ARHGAP25: variants seen among roughly 807,000 people sequenced by gnomAD.
The protein encoded by ARHGAP25 is rho GTPase-activating protein 25.
A neutral mutation model predicts 71.0 loss-of-function variants in ARHGAP25; 34 were observed. The ratio of observed to expected loss-of-function variants is 0.48; its 90% CI spans 0.36 to 0.64. ARHGAP25 has a LOEUF of 0.64. Ranked by LOEUF, ARHGAP25 falls within the 30% of genes least tolerant of loss-of-function variation. The pLI, the probability that ARHGAP25 is intolerant of heterozygous loss-of-function variation, is 0.00. For synonymous variants in ARHGAP25, 282 were observed against 296.5 expected (o/e 0.95, Z 0.50); for missense variants, 706 against 805.1 (o/e 0.88, Z 1.49).
At chr2:68,714,095 G>T (rs1250272719) in intron 2 of ARHGAP25, among the ~76,000 whole-genome samples, 1 of 151,178 alleles carries the variant, frequency 6.6e-6, no homozygotes, top group Non-Finnish European at 1.5e-5. Flanking sequence ...GTAGAGTTTG[G>T]CTGTGAATCC....
chr2:68,768,315 C>T (rs747639538), intron 1 of ARHGAP25, among the ~76,000 whole-genome samples: 13 of 152,168 alleles, frequency 8.5e-5, no homozygotes, highest in Non-Finnish European at 1.8e-4. Context: ...TATCTTCCAT[C>T]GTCCACTCTG....
At chr2:68,780,376 C>T (rs1041159656) in intron 2 of ARHGAP25, among the ~76,000 whole-genome samples, 14 of 152,178 alleles carry the variant, frequency 9.2e-5, no homozygotes, top group African/African-American at 3.4e-4. Flanking sequence ...CTCCATCCTG[C>T]CTAAAAGCAA....
At chr2:68,744,767 C>T (rs949614099) in intron 1 of ARHGAP25, among the ~76,000 whole-genome samples, 1 of 152,166 alleles carries the variant, frequency 6.6e-6, no homozygotes, top group South Asian at 2.1e-4. Context: ...AGAGAGTGCC[C>T]GCGGACAATG....
intron 2 of ARHGAP25, among the ~76,000 whole-genome samples, chr2:68,727,171 C>T (rs189832914): frequency 6.6e-5 from 10 of 152,252 alleles, no homozygotes; most frequent in African/African-American, 1.7e-4. Flanking sequence ...TGGTTGAGTG[C>T]GTCTGCAACA....
At chr2:68,793,907 C>G (rs1472032624) in intron 4 of ARHGAP25, among the ~76,000 whole-genome samples, 2 of 151,984 alleles carry the variant, frequency 1.3e-5, no homozygotes, top group African/African-American at 2.4e-5. Flanking sequence ...AATGCATGAG[C>G]ATGGGATTTT....
In ARHGAP25 at chr2:68,826,607, G is replaced by A. The variant is rs1274532755; in HGVS notation, c.*413G>A. 3.1e-6 allele frequency: 1 copy of A among 325,278 alleles called. No homozygotes were observed. The highest frequency in any genetic ancestry group is 6.0e-6 in the Non-Finnish European group (1 of 166,284). 20.1% of individuals were successfully genotyped at this position (325,278 alleles called of 1,614,324 possible). On this transcript the variant is annotated 3_prime_UTR_variant, in exon 11 of 11. Transcript: ENST00000409202. The stretch of plus-strand genomic sequence containing the variant: ...CTCAGGGCATCTCTGAGACACAGGG[G>A]CAGAAAATGACATTCATCTTTTGAG...
chr2:68,733,837 G>A (rs1675090448), upstream of ARHGAP25, among the ~76,000 whole-genome samples: 1 of 152,236 alleles, frequency 6.6e-6, no homozygotes, highest in African/African-American at 2.4e-5. Flanking sequence ...CTGGCTAGCA[G>A]TGACTGTTCT....
intron 2 of ARHGAP25, among the ~76,000 whole-genome samples, chr2:68,726,727 G>A (rs1378071193): frequency 3.3e-5 from 5 of 152,144 alleles, no homozygotes; most frequent in South Asian, 2.1e-4. Context: ...CATCAGTAAC[G>A]AGAGGAGGTG....
chr2:68,719,682 C>T (rs1269120659), intron 2 of ARHGAP25, among the ~76,000 whole-genome samples: 1 of 152,100 alleles, frequency 6.6e-6, no homozygotes, highest in Non-Finnish European at 1.5e-5. Flanking sequence ...ATTATTAACA[C>T]TACTGTTTAA....
chr2:68,821,753 A>C (rs1681685680), intron 9 of ARHGAP25, among the ~76,000 whole-genome samples: 1 of 152,132 alleles, frequency 6.6e-6, no homozygotes, highest in Non-Finnish European at 1.5e-5. Flanking sequence ...ATGTACAAGG[A>C]CTAGTTTCAT....
intron 1 of ARHGAP25, among the ~76,000 whole-genome samples, chr2:68,750,670 CTG>C (rs982339400): frequency 6.6e-6 from 1 of 152,020 alleles, no homozygotes. Flanking sequence ...TGAGAGGCGT[CTG>C]TGTGTGTGTG....
Position 68,787,923 on chromosome 2 carries a change from T to C in ARHGAP25, c.433T>C (p.Phe145Leu). Residue 145 changes from phenylalanine (F) to leucine (L), a missense_variant, in exon 4 of 11, where the codon TTC becomes CTC. Physicochemically the swap from Phe to Leu is conservative, Grantham distance 22. Transcript: ENST00000409202. ...GGCGGAGATGGAGGAGTGGGTTAAA[T>C]TCCTCAGGAGAGTTGCTGGCACACC... ...SQAEMEEWVK[F>L]LRRVAGTPCG... 1 of 1,614,186 alleles carries C rather than the reference T, an allele frequency of 6.2e-7. No individual in the cohort carries two copies. Among genetic ancestry groups the C allele is most frequent in the Non-Finnish European group, 8.5e-7 (1 of 1,180,008 alleles).
intron 1 of ARHGAP25, among the ~76,000 whole-genome samples, chr2:68,741,287 G>C (rs531014396): frequency 6.6e-6 from 1 of 152,294 alleles, no homozygotes; most frequent in East Asian, 1.9e-4. Flanking sequence ...AATGGAGAAC[G>C]CCAGCAACTT....
chr2:68,788,885 A>G (rs1678955208), intron 4 of ARHGAP25, among the ~76,000 whole-genome samples: 1 of 152,198 alleles, frequency 6.6e-6, no homozygotes, highest in Admixed American at 6.5e-5. Context: ...TCCTTCAGAA[A>G]TTTCAAGAAT....
At chr2:68,788,403 A>G (rs1004149115) in intron 4 of ARHGAP25, among the ~76,000 whole-genome samples, 5 of 152,224 alleles carry the variant, frequency 3.3e-5, no homozygotes, top group African/African-American at 1.2e-4. Context: ...CATAAGTTAG[A>G]CTGCATAAGT....
intron 10 of ARHGAP25, among the ~76,000 whole-genome samples, chr2:68,823,398 G>T (rs1017627398): frequency 3.9e-5 from 6 of 152,226 alleles, no homozygotes; most frequent in African/African-American, 1.4e-4. Context: ...GGGTCAGGAG[G>T]TTGGAAAGTT....
chr2:68,784,145 TTCTCTCTCTCTTTCGC>T (rs1678556554), intron 3 of ARHGAP25, among the ~76,000 whole-genome samples: 1 of 151,790 alleles, frequency 6.6e-6, no homozygotes, highest in South Asian at 2.1e-4. Flanking sequence ...CAGATCCTTT[TTCTCTCTCTCTTTCGC>T]TCTCTCTCTC....
At chr2:68,732,161 C>A (rs957175378), upstream of ARHGAP25, among the ~76,000 whole-genome samples, 1 of 152,076 alleles carries the variant, frequency 6.6e-6, no homozygotes, top group South Asian at 2.1e-4. Context: ...GTTGACTGAC[C>A]GAGAGAGAGC....
chr2:68,737,023 G>A (rs1225959978), intron 1 of ARHGAP25, among the ~76,000 whole-genome samples: 1 of 151,928 alleles, frequency 6.6e-6, no homozygotes, highest in East Asian at 1.9e-4. Context: ...ACAAAAACAA[G>A]CAGATGATGT....
Sources: allele counts gnomAD v4.1 joint callset (sites outside exome capture counted in the v4.1 genomes callset), GRCh38; gene constraint gnomAD v4.1.1; transcripts MANE v1.5; gene names NCBI Gene and HGNC (gene_info 2026-07-23, HGNC 2026-07-21).